The following ANKS1B variants were observed in gnomAD, a reference collection of about 807,000 sequenced individuals.
The protein encoded by ANKS1B is ankyrin repeat and sterile alpha motif domain-containing protein 1B.
Under a neutral mutation model 148.3 loss-of-function variants are expected in ANKS1B, and 36 were observed. The ratio of observed to expected loss-of-function variants is 0.24; its 90% CI spans 0.19 to 0.32. The LOEUF (loss-of-function observed/expected upper bound fraction) is 0.32. Among genes scored for constraint, ANKS1B ranks in the 10% least tolerant of loss-of-function variants. The pLI, the probability that ANKS1B is intolerant of heterozygous loss-of-function variation, is 1.00. For synonymous variants in ANKS1B, 542 were observed against 560.8 expected, an observed-to-expected ratio of 0.97 and a Z score of 0.47; for missense variants, 1,157 against 1,542.6, an observed-to-expected ratio of 0.75 and a Z score of 4.19.
At chr12:99,320,833 T>C (rs543337669) in intron 12 of ANKS1B, among the ~76,000 whole-genome samples, 1 of 152,340 alleles carries the variant, frequency 6.6e-6, no homozygotes, top group Admixed American at 6.5e-5. Flanking sequence ...TTTGTGGTTT[T>C]ATCTACCTTT....
At chr12:99,612,448 T>A (rs2153347823) in intron 9 of ANKS1B, among the ~76,000 whole-genome samples, 1 of 152,214 alleles carries the variant, frequency 6.6e-6, no homozygotes, top group South Asian at 2.1e-4. Context: ...ACTTAACATC[T>A]ATTGAAACTG....
intron 12 of ANKS1B, among the ~76,000 whole-genome samples, chr12:99,313,425 G>C (rs1363204326): frequency 6.6e-6 from 1 of 152,134 alleles, no homozygotes; most frequent in Non-Finnish European, 1.5e-5. Context: ...TACGAAGCCA[G>C]CATCATCCTG....
At chr12:99,682,617 G>A (rs553900366) in intron 8 of ANKS1B, among the ~76,000 whole-genome samples, 4 of 152,202 alleles carry the variant, frequency 2.6e-5, no homozygotes, top group African/African-American at 9.6e-5. Context: ...GTGCTAAAAG[G>A]AAAGTTCATA....
At chr12:99,435,042 T>C (rs1004593685) in intron 11 of ANKS1B, among the ~76,000 whole-genome samples, 1 of 152,162 alleles carries the variant, frequency 6.6e-6, no homozygotes, top group Non-Finnish European at 1.5e-5. Flanking sequence ...TCCTGTAGGA[T>C]AAACTCACCT....
rs566186380 is a variant in ANKS1B at position 99,173,631 on chromosome 12, G to A, written c.2420-19236C>T. Among the ~76,000 whole-genome samples, 3 of 152,198 alleles carry A rather than the reference G, an allele frequency of 2.0e-5. No individual in the cohort carries two copies. The South Asian group carries it at 6.2e-4, about 32-fold the overall frequency. ...TACTATAATATAAACATATAATTAG[G>A]TAATTTAAACTAAGCATTGAGATTC... On this transcript the variant is annotated intron_variant, in intron 14 of 26. Coordinates refer to ENST00000683438, the MANE Select transcript of ANKS1B (RefSeq NM_001352186.2).
intron 9 of ANKS1B, among the ~76,000 whole-genome samples, chr12:99,515,217 T>G (rs1201585619): frequency 6.6e-6 from 1 of 152,058 alleles, no homozygotes; most frequent in Non-Finnish European, 1.5e-5. Context: ...ACAATTAAAT[T>G]GTTATTGACT....
At chr12:98,776,503 A>G (rs2098676905) in intron 24 of ANKS1B, among the ~76,000 whole-genome samples, 1 of 152,138 alleles carries the variant, frequency 6.6e-6, no homozygotes, top group African/African-American at 2.4e-5. Context: ...ATAGGGAGAG[A>G]TGGTTTTGCC....
chr12:99,248,823 A>G (rs558418132), intron 12 of ANKS1B, among the ~76,000 whole-genome samples: 7 of 152,290 alleles, frequency 4.6e-5, no homozygotes, highest in Admixed American at 3.9e-4. Context: ...TATTAAAGAT[A>G]AGCTTTAAAA....
intron 8 of ANKS1B, chr12:99,706,596 C>T (rs2055812860): frequency 6.6e-6 from 1 of 152,012 alleles, no homozygotes; most frequent in South Asian, 2.1e-4. Context: ...TAATCCCCTC[C>T]CCTTGAGTGG....
chr12:99,930,925 A>G (rs2094597098), intron 1 of ANKS1B, among the ~76,000 whole-genome samples: 1 of 152,212 alleles, frequency 6.6e-6, no homozygotes, highest in Admixed American at 6.5e-5. Context: ...TCACAATAGC[A>G]AAGACTTGGA....
intron 8 of ANKS1B, among the ~76,000 whole-genome samples, chr12:99,716,831 G>A (rs2057394108): frequency 6.6e-6 from 1 of 151,852 alleles, no homozygotes; most frequent in Non-Finnish European, 1.5e-5. Context: ...AGACCCATCT[G>A]ACCTCTCCCC....
Position 99,779,910 on chromosome 12 carries a change from G to A in ANKS1B, c.808C>T (p.Pro270Ser). 1.9e-6 allele frequency: 3 copies of A among 1,612,620 alleles called. No individual in the cohort carries two copies. The highest frequency in any genetic ancestry group is 2.5e-6 in the Non-Finnish European group (3 of 1,179,482). The change falls in exon 6 of 27, where the codon CCA becomes TCA. Residue 270 changes from proline to serine, a missense_variant. Transcript: ENST00000683438. ...RTVLDILKEH[P>S]SQKSLQIATL... ...GCAATCTGGAGAGATTTCTGAGATG[G>A]ATGTTCTTTCAGAATGTCCAAGACA...
rs745500696 is a variant in ANKS1B, at chr12:99,878,055, A to AAAAC, written c.135-52670_135-52667dup. 7.9e-5 allele frequency among the ~76,000 whole-genome samples: 12 copies of AAAAC among 152,264 alleles called. No individual in the cohort carries two copies. In the South Asian group the frequency reaches 2.5e-3, roughly 32 times the overall value. ...GGGTGACAGAGTGAGACCCTGTCTC[A>AAAAC]AAACAAACAAACAACAACAAACAAA... is the stretch of plus-strand genomic sequence containing the variant. On this transcript the variant is annotated intron_variant, in intron 1 of 26. Transcript: ENST00000683438.
chr12:98,827,975 C>T (rs1427821960), intron 19 of ANKS1B, among the ~76,000 whole-genome samples: 2 of 152,048 alleles, frequency 1.3e-5, no homozygotes, highest in Non-Finnish European at 2.9e-5. Context: ...CTTTCAGATG[C>T]CCTATTTAAA....
intron 14 of ANKS1B, among the ~76,000 whole-genome samples, chr12:99,166,753 T>C (rs1242147687): frequency 6.6e-6 from 1 of 152,018 alleles, no homozygotes; most frequent in Non-Finnish European, 1.5e-5. Context: ...TGGTAGAAAT[T>C]GTCAAGATTT....
chr12:99,497,118 T>C (rs1449414571), intron 10 of ANKS1B, among the ~76,000 whole-genome samples: 1 of 152,228 alleles, frequency 6.6e-6, no homozygotes, highest in African/African-American at 2.4e-5. Flanking sequence ...AATCTACGGA[T>C]GCTTAAGTCT....
At chr12:98,979,536 G>A (rs2099905844) in intron 17 of ANKS1B, among the ~76,000 whole-genome samples, 3 of 152,144 alleles carry the variant, frequency 2.0e-5, no homozygotes, top group Admixed American at 2.0e-4. Context: ...CTCCCAAAGT[G>A]CTGGGATTAC....
intron 1 of ANKS1B, among the ~76,000 whole-genome samples, chr12:99,834,239 AAG>A (rs2084468841): frequency 6.6e-6 from 1 of 152,210 alleles, no homozygotes; most frequent in African/African-American, 2.4e-5. Context: ...CATAAAATGC[AAG>A]AGTTTCTAGA....
intron 12 of ANKS1B, among the ~76,000 whole-genome samples, chr12:99,259,126 G>A (rs865897276): frequency 8.2e-4 from 125 of 152,262 alleles, no homozygotes; most frequent in African/African-American, 3.0e-3. Flanking sequence ...GACGCTTTGT[G>A]TCGGATTACC....
Sources: gnomAD v4.1 joint callset for allele counts (sites outside exome capture counted in the v4.1 genomes callset) on GRCh38, gnomAD v4.1.1 for gene constraint, MANE v1.5 for transcripts, NCBI Gene and HGNC (gene_info 2026-07-23, HGNC 2026-07-21) for gene names.